PBX3: variants seen among roughly 807,000 people sequenced by gnomAD.
PBX3 encodes the protein PBX homeobox 3.
In PBX3, 14 loss-of-function variants were observed where a neutral mutation model predicts 48.5. The ratio of observed to expected loss-of-function variants is 0.29; its 90% CI spans 0.19 to 0.45. The LOEUF (loss-of-function observed/expected upper bound fraction) is 0.45, where lower values mean the gene tolerates loss of function less well. Ranked by LOEUF, PBX3 falls within the 20% of genes least tolerant of loss-of-function variation. The pLI, the probability that PBX3 is intolerant of heterozygous loss-of-function variation, is 1.00. For missense variants in PBX3, 386 were observed against 546.7 expected, an observed-to-expected ratio of 0.71 and a Z score of 2.93; for synonymous variants, 210 against 200.3, an observed-to-expected ratio of 1.05 and a Z score of -0.41.
intron 2 of PBX3, among the ~76,000 whole-genome samples, chr9:125,841,862 A>C (rs1369402161): frequency 6.6e-6 from 1 of 152,160 alleles, no homozygotes; most frequent in East Asian, 1.9e-4. Context: ...AGAGTGGAAC[A>C]CTTTAGTTAG....
At chr9:125,895,540 G>A (rs1242893759) in intron 2 of PBX3, among the ~76,000 whole-genome samples, 3 of 151,898 alleles carry the variant, frequency 2.0e-5, no homozygotes, top group Admixed American at 6.6e-5. Flanking sequence ...GCGCTACAAC[G>A]AACTTTTGGT....
intron 2 of PBX3, among the ~76,000 whole-genome samples, chr9:125,836,702 A>G (rs1261610305): frequency 6.6e-6 from 1 of 152,232 alleles, no homozygotes; most frequent in African/African-American, 2.4e-5. Flanking sequence ...GTTTAAGATG[A>G]TGGATATTCT....
intron 2 of PBX3, among the ~76,000 whole-genome samples, chr9:125,850,557 A>G (rs1839550741): frequency 6.6e-6 from 1 of 152,096 alleles, no homozygotes; most frequent in African/African-American, 2.4e-5. Flanking sequence ...ATTTTTAAGT[A>G]GTAGTCTTTA....
rs1396361309 is a variant in PBX3 at position 125,966,707 on chromosome 9, G to A, written c.*784G>A. ...TCTGCAAAAGGCCCTGCTCTCTGGA[G>A]TGTTGTATATAGTGTAGCAAAAGAG... On this transcript the variant is annotated 3_prime_UTR_variant, in exon 9 of 9. Coordinates refer to ENST00000373489, the MANE Select transcript of PBX3 (RefSeq NM_006195.6). 1 of 152,696 alleles carries A rather than the reference G, an allele frequency of 6.5e-6. No homozygotes were observed. The highest frequency in any genetic ancestry group is 6.5e-5 in the Admixed American group (1 of 15,286). The allele number at this position is 152,696 out of a possible 1,614,324, so 9.5% of individuals were successfully genotyped here.
rs1486734105 is a variant in PBX3, at chr9:125,960,862, G to T, written c.1009+13G>T. On this transcript the variant is annotated intron_variant, in intron 6 of 8. Transcript: ENST00000373489. ...ACACCAAATTCCGGTGCGTACTGGG[G>T]GCTCGCTCCCCAACTGGCCCAGGCA... 4.3e-6 allele frequency: 7 copies of T among 1,609,890 alleles called. No individual in the cohort carries two copies. Among genetic ancestry groups the T allele is most frequent in the African/African-American group, 4.0e-5 (3 of 74,976 alleles).
chr9:125,748,207 A>G, intron 1 of PBX3: 2 of 1,006,436 alleles, frequency 2.0e-6, no homozygotes, highest in South Asian at 8.2e-5. Context: ...TCCTCTGCAC[A>G]GGAGCGGACG....
chr9:125,948,764 A>G (rs1842124429), intron 5 of PBX3, among the ~76,000 whole-genome samples: 1 of 151,906 alleles, frequency 6.6e-6, no homozygotes, highest in Non-Finnish European at 1.5e-5. Context: ...CATTTCTAAG[A>G]ATTTAATCTA....
At chr9:125,776,969 G>A (rs759678043) in intron 2 of PBX3, among the ~76,000 whole-genome samples, 1 of 151,928 alleles carries the variant, frequency 6.6e-6, no homozygotes, top group Non-Finnish European at 1.5e-5. Flanking sequence ...GGAATTACAG[G>A]CATGAGCCAC....
chr9:125,841,133 A>G lies in PBX3; in HGVS notation c.275-74553A>G, dbSNP rs1030858653. Among the ~76,000 whole-genome samples the G allele has an allele frequency of 3.5e-4, 54 of 152,182 alleles. 1 individual carries two copies. Among genetic ancestry groups the G allele is most frequent in the Non-Finnish European group, 2.4e-4 (16 of 68,002 alleles). ...TTTGATTATTCCTATTTTTCACATG[A>G]AGAAATTAAGGCCCAGAGAGGTTTA... On this transcript the variant is annotated intron_variant, in intron 2 of 8. Coordinates refer to ENST00000373489, the MANE Select transcript of PBX3 (RefSeq NM_006195.6).
intron 7 of PBX3, 109 bp from the exon 8 acceptor site, chr9:125,962,903 T>C (rs1842459060): frequency 4.3e-6 from 2 of 468,224 alleles, no homozygotes; most frequent in Non-Finnish European, 7.7e-6. Context: ...TTGTCTTTCA[T>C]TGAAGATGTT....
intron 2 of PBX3, among the ~76,000 whole-genome samples, chr9:125,812,113 G>C (rs1473997092): frequency 1.3e-5 from 2 of 152,234 alleles, no homozygotes; most frequent in African/African-American, 4.8e-5. Flanking sequence ...CAGGTGCCTT[G>C]ATCTTGGGCT....
At chr9:125,889,326 G>A (rs1840579495) in intron 2 of PBX3, among the ~76,000 whole-genome samples, 2 of 152,258 alleles carry the variant, frequency 1.3e-5, no homozygotes, top group Non-Finnish European at 2.9e-5. Context: ...GCACACGCAC[G>A]GGCCGAGCCA....
intron 4 of PBX3, among the ~76,000 whole-genome samples, chr9:125,932,457 A>G (rs1346458239): frequency 6.6e-6 from 1 of 152,166 alleles, no homozygotes; most frequent in Non-Finnish European, 1.5e-5. Context: ...AGACTTACAC[A>G]TTTGCATTCC....
intron 8 of PBX3, among the ~76,000 whole-genome samples, chr9:125,964,269 A>G (rs1303804160): frequency 1.3e-5 from 2 of 152,234 alleles, no homozygotes; most frequent in Admixed American, 1.3e-4. Flanking sequence ...CATGCTGGGT[A>G]AAAATATTGT....
At chr9:125,817,076 A>G (rs1838488192) in intron 2 of PBX3, among the ~76,000 whole-genome samples, 1 of 152,214 alleles carries the variant, frequency 6.6e-6, no homozygotes, top group Non-Finnish European at 1.5e-5. Context: ...TCTTTCCAAA[A>G]TCAGTCATGA....
chr9:125,911,641 C>T (rs1362658233), intron 2 of PBX3, among the ~76,000 whole-genome samples: 1 of 152,054 alleles, frequency 6.6e-6, no homozygotes, highest in Admixed American at 6.6e-5. Flanking sequence ...TGAGCTAAGA[C>T]TGTGGTGTGG....
At chr9:125,901,274 C>G (rs1340132107) in intron 2 of PBX3, among the ~76,000 whole-genome samples, 1 of 151,580 alleles carries the variant, frequency 6.6e-6, no homozygotes, top group Non-Finnish European at 1.5e-5. Context: ...ATGCTTTTCA[C>G]TTATAGGCCA....
At chr9:125,778,450 A>C (rs1837138334) in intron 2 of PBX3, among the ~76,000 whole-genome samples, 2 of 151,314 alleles carry the variant, frequency 1.3e-5, no homozygotes, top group African/African-American at 2.4e-5. Context: ...GTAGAGACAG[A>C]GTTTCACCAT....
intron 2 of PBX3, among the ~76,000 whole-genome samples, chr9:125,855,695 T>C (rs1422750862): frequency 6.6e-6 from 1 of 152,178 alleles, no homozygotes; most frequent in Non-Finnish European, 1.5e-5. Context: ...AATGTGACTT[T>C]TTCCCCTGTT....
Sources: allele counts gnomAD v4.1 joint callset (sites outside exome capture counted in the v4.1 genomes callset), GRCh38; gene constraint gnomAD v4.1.1; transcripts MANE v1.5; gene names NCBI Gene and HGNC (gene_info 2026-07-23, HGNC 2026-07-21).